The following ANKRD12 variants were observed in gnomAD, a reference collection of about 807,000 sequenced individuals.
ANKRD12 encodes the protein ankyrin repeat domain-containing protein 12.
ANKRD12 carries 85 observed loss-of-function variants against 183.4 expected under a neutral mutation model. That is an observed-to-expected ratio of 0.46 (90% CI 0.39 to 0.56). The LOEUF (loss-of-function observed/expected upper bound fraction) is 0.56. ANKRD12 is among the 20% of genes least tolerant of loss of function. The pLI is 0.00. For synonymous variants in ANKRD12, 914 were observed against 800.2 expected, an observed-to-expected ratio of 1.14 and a Z score of -2.40; for missense variants, 2,405 against 2,357.1, an observed-to-expected ratio of 1.02 and a Z score of -0.42.
intron 1 of ANKRD12, among the ~76,000 whole-genome samples, chr18:9,151,134 A>G (rs1479840000): frequency 6.6e-6 from 1 of 152,210 alleles, no homozygotes; most frequent in Non-Finnish European, 1.5e-5. Flanking sequence ...TCTCACTTGA[A>G]TGGCTTAAAT....
intron 1 of ANKRD12, among the ~76,000 whole-genome samples, chr18:9,160,349 G>A (rs2031235937): frequency 6.6e-6 from 1 of 152,244 alleles, no homozygotes; most frequent in South Asian, 2.1e-4. Context: ...CTGGCCTCAA[G>A]TGATCCTCCT....
At chr18:9,208,840 A>G (rs1042322315) in intron 5 of ANKRD12, 37 bp downstream of exon 5, 17 of 1,459,366 alleles carry the variant, frequency 1.2e-5, no homozygotes, top group South Asian at 4.8e-5. Flanking sequence ...GTGTATCCCT[A>G]GTTTTCCTCA....
At chr18:9,191,264 A>C (rs1598502587) in intron 2 of ANKRD12, among the ~76,000 whole-genome samples, 1 of 152,372 alleles carries the variant, frequency 6.6e-6, no homozygotes, top group East Asian at 1.9e-4. Context: ...TTGATAGAGT[A>C]TTTCTACTCT....
intron 10 of ANKRD12, among the ~76,000 whole-genome samples, chr18:9,271,909 G>A (rs1202224805): frequency 6.6e-6 from 1 of 152,136 alleles, no homozygotes; most frequent in Non-Finnish European, 1.5e-5. Flanking sequence ...CAGGTTTCTT[G>A]AGGGTGTGAG....
intron 1 of ANKRD12, among the ~76,000 whole-genome samples, chr18:9,181,430 GT>G (rs1399109498): frequency 6.6e-6 from 1 of 152,172 alleles, no homozygotes; most frequent in Non-Finnish European, 1.5e-5. Context: ...ATATCCATCT[GT>G]AGGAGATTTA....
intron 1 of ANKRD12, among the ~76,000 whole-genome samples, chr18:9,177,142 A>G (rs1164922115): frequency 6.6e-6 from 1 of 152,206 alleles, no homozygotes; most frequent in African/African-American, 2.4e-5. Flanking sequence ...CTGAACAAGT[A>G]TTAATATACT....
chr18:9,264,019 C>T, intron 10 of ANKRD12, 131 bp downstream of exon 10: 1 of 887,510 alleles, frequency 1.1e-6, no homozygotes, highest in South Asian at 3.6e-5. Context: ...TTGGTTTTAT[C>T]TTGTGTTTAT....
intron 8 of ANKRD12, chr18:9,235,504 G>A: frequency 3.6e-6 from 1 of 279,436 alleles, no homozygotes; most frequent in Non-Finnish European, 7.6e-6. Context: ...TCTAAGCATT[G>A]AATATCAACA....
chr18:9,142,519 A>G (rs2078354057), intron 1 of ANKRD12, among the ~76,000 whole-genome samples: 1 of 149,518 alleles, frequency 6.7e-6, no homozygotes, highest in African/African-American at 2.5e-5. Flanking sequence ...ACAACTTTCT[A>G]TTCTGTTTAC....
At chr18:9,262,215 T>TGGCA (rs2039011530) in intron 9 of ANKRD12, among the ~76,000 whole-genome samples, 1 of 152,206 alleles carries the variant, frequency 6.6e-6, no homozygotes, top group African/African-American at 2.4e-5. Context: ...ATGATTCCTG[T>TGGCA]GGCACTACAT....
At chr18:9,138,511 C>T (rs1200419489) in intron 1 of ANKRD12, among the ~76,000 whole-genome samples, 5 of 152,040 alleles carry the variant, frequency 3.3e-5, no homozygotes, top group Non-Finnish European at 5.9e-5. Flanking sequence ...GAAACTCCGT[C>T]GCAAAAACAT....
chr18:9,274,861 C>T (rs2039758312), intron 10 of ANKRD12, among the ~76,000 whole-genome samples: 1 of 152,034 alleles, frequency 6.6e-6, no homozygotes, highest in Non-Finnish European at 1.5e-5. Flanking sequence ...CCTGGCCTAA[C>T]AAATTGTTTT....
chr18:9,192,155 A>G (rs1029056008), intron 2 of ANKRD12, among the ~76,000 whole-genome samples: 1 of 152,174 alleles, frequency 6.6e-6, no homozygotes. Flanking sequence ...TCACCATATA[A>G]TAAAACCTAC....
intron 11 of ANKRD12, among the ~76,000 whole-genome samples, chr18:9,278,731 A>G (rs1046790461): frequency 1.3e-5 from 2 of 151,922 alleles, no homozygotes; most frequent in African/African-American, 4.8e-5. Flanking sequence ...TGGGAGGTGG[A>G]GATTGCAGAG....
At chr18:9,279,294 G>A (rs2039999088) in intron 11 of ANKRD12, among the ~76,000 whole-genome samples, 1 of 152,140 alleles carries the variant, frequency 6.6e-6, no homozygotes, top group Non-Finnish European at 1.5e-5. Flanking sequence ...TTTGAGAAAT[G>A]TCTTTGACTT....
chr18:9,280,249 CA>C (rs1365638801), intron 12 of ANKRD12, among the ~76,000 whole-genome samples: 1 of 152,074 alleles, frequency 6.6e-6, no homozygotes, highest in African/African-American at 2.4e-5. Context: ...CTCGCATGTG[CA>C]GTTCACAATA....
At position 9,256,116 on chromosome 18, in the gene ANKRD12, AAAAT is replaced by A; in HGVS notation, c.2853_2856del (p.Asn951LysfsTer7). 1 of 1,558,938 alleles carries A rather than the reference AAAAT, an allele frequency of 6.4e-7. No homozygotes were observed. The highest frequency in any genetic ancestry group is 8.6e-7 in the Non-Finnish European group (1 of 1,162,418). ...GAATACAGTAAATCAGAAAAAGGCA[AAAAT>A]AAAGAAAAAGACAGGGAGCTAGATA... On this transcript the variant is annotated frameshift_variant, in exon 9 of 13. Coordinates refer to ENST00000262126, the MANE Select transcript of ANKRD12 (RefSeq NM_015208.5). LOFTEE classifies it high-confidence loss of function.
intron 8 of ANKRD12, among the ~76,000 whole-genome samples, chr18:9,234,260 C>G (rs1286749712): frequency 2.6e-5 from 4 of 152,160 alleles, no homozygotes; most frequent in Non-Finnish European, 5.9e-5. Context: ...ACAGCTGTGC[C>G]TGCAATGGTG....
Position 9,255,475 on chromosome 18 carries a change from C to T in ANKRD12, c.2208C>T (p.Thr736=). The T allele has an allele frequency of 6.4e-7, 1 of 1,553,706 alleles. No individual in the cohort carries two copies. Among genetic ancestry groups the T allele is most frequent in the Non-Finnish European group, 8.6e-7 (1 of 1,158,412 alleles). Residue 736 remains threonine (T), a synonymous_variant, in exon 9 of 13, where the codon ACC becomes ACT. Coordinates refer to ENST00000262126, the MANE Select transcript of ANKRD12 (RefSeq NM_015208.5). ...AAAACATCAAAGATGATAAATCAAC[C>T]AAGGAAAAGCATGTGTCAAAAGAGA... ...LEKNIKDDKS[T]KEKHVSKERN... is the part of the protein sequence containing the mutation.
Sources: gnomAD v4.1 joint callset for allele counts (sites outside exome capture counted in the v4.1 genomes callset) on GRCh38, gnomAD v4.1.1 for gene constraint, MANE v1.5 for transcripts, NCBI Gene and HGNC (gene_info 2026-07-23, HGNC 2026-07-21) for gene names.